The following DOK6 variants were observed in gnomAD, a reference collection of about 807,000 sequenced individuals.
DOK6 encodes docking protein 6, also known as downstream of tyrosine kinase 6.
DOK6 carries 22 observed loss-of-function variants against 44.0 expected under a neutral mutation model. That is an observed-to-expected ratio of 0.50 (90% CI 0.36 to 0.71). The LOEUF (loss-of-function observed/expected upper bound fraction) is 0.71. DOK6 is among the 30% of genes least tolerant of loss of function. The pLI, the probability that DOK6 is intolerant of heterozygous loss-of-function variation, is 0.00. For synonymous variants in DOK6, 166 were observed against 145.5 expected (o/e 1.14, Z -1.01); for missense variants, 340 against 416.4 (o/e 0.82, Z 1.60).
In DOK6 at chr18:69,584,001, A is replaced by G. The variant is rs554171273; in HGVS notation, c.175-15383A>G. On this transcript the variant is annotated intron_variant, in intron 2 of 7. Transcript: ENST00000382713. The stretch of plus-strand genomic sequence containing the variant: ...CGGGCGCCTGTAGTCCCAGCTACTC[A>G]GGAGGCTGAGGCAGGAGAATGGCGT... 2.5e-3 allele frequency among the ~76,000 whole-genome samples: 377 copies of G among 150,068 alleles called. 1 individual carries two copies. Among genetic ancestry groups the G allele is most frequent in the Middle Eastern group, 0.017 (5 of 290 alleles).
At chr18:69,766,520 A>G (rs748749362) in intron 7 of DOK6, among the ~76,000 whole-genome samples, 4 of 152,222 alleles carry the variant, frequency 2.6e-5, no homozygotes, top group Non-Finnish European at 5.9e-5. Flanking sequence ...CAATTAATGC[A>G]TATTTGGGTT....
chr18:69,632,668 A>G (rs1336396262), intron 3 of DOK6, among the ~76,000 whole-genome samples: 1 of 152,204 alleles, frequency 6.6e-6, no homozygotes, highest in African/African-American at 2.4e-5. Context: ...CTCCCGAGGT[A>G]TATTTCTATA....
rs2145146571 is a variant in DOK6, at chr18:69,847,104, CCTCT to C, written c.*5722_*5725del. 1 of 151,822 alleles carries C rather than the reference CCTCT, an allele frequency of 6.6e-6. No individual in the cohort carries two copies. Among genetic ancestry groups the C allele is most frequent in the East Asian group, 1.9e-4 (1 of 5,168 alleles). 9.4% of individuals were successfully genotyped at this position (151,822 alleles called of 1,614,324 possible). Reference sequence around the variant, plus strand: ...AAATACATTTGTAGTAGAAATATTCCCTCTAACAATTCTGTTTAACTAGTAAGTT... The same window carrying C: ...AAATACATTTGTAGTAGAAATATTCCAACAATTCTGTTTAACTAGTAAGTT... On this transcript the variant is annotated 3_prime_UTR_variant, in exon 8 of 8. Coordinates refer to ENST00000382713, the MANE Select transcript of DOK6 (RefSeq NM_152721.6).
chr18:69,815,787 A>C (rs1313381001), intron 7 of DOK6, among the ~76,000 whole-genome samples: 3 of 152,134 alleles, frequency 2.0e-5, no homozygotes, highest in Non-Finnish European at 2.9e-5. Flanking sequence ...ACATACATAC[A>C]TGCACATATA....
intron 3 of DOK6, among the ~76,000 whole-genome samples, chr18:69,639,842 T>G (rs1383004785): frequency 6.6e-6 from 1 of 152,166 alleles, no homozygotes; most frequent in Non-Finnish European, 1.5e-5. Flanking sequence ...ATCTCTACCC[T>G]ATTATTTTCC....
intron 1 of DOK6, among the ~76,000 whole-genome samples, chr18:69,541,053 A>G (rs1599181497): frequency 6.6e-6 from 1 of 152,314 alleles, no homozygotes. Context: ...ATTATAATAC[A>G]TAAAATGCAT....
chr18:69,725,067 C>T (rs905522873), intron 5 of DOK6: 1 of 152,188 alleles, frequency 6.6e-6, no homozygotes, highest in Non-Finnish European at 1.5e-5. Context: ...CTACCATGAG[C>T]CCCTGAATTC....
intron 4 of DOK6, among the ~76,000 whole-genome samples, chr18:69,686,198 C>T (rs4263036): frequency 0.12 from 18,567 of 152,088 alleles, 1,322 homozygotes; most frequent in South Asian, 0.23. Context: ...CCTGCTGGCA[C>T]GCTGATCTTG....
chr18:69,714,959 T>G (rs1986849433), intron 5 of DOK6, among the ~76,000 whole-genome samples: 1 of 152,204 alleles, frequency 6.6e-6, no homozygotes, highest in Non-Finnish European at 1.5e-5. Flanking sequence ...ACTTTGTATA[T>G]TTATTTAATG....
At chr18:69,531,061 A>G (rs1315097816) in intron 1 of DOK6, among the ~76,000 whole-genome samples, 1 of 151,700 alleles carries the variant, frequency 6.6e-6, no homozygotes, top group African/African-American at 2.4e-5. Context: ...CTGTTTTATC[A>G]GAGACTAGGA....
intron 1 of DOK6, among the ~76,000 whole-genome samples, chr18:69,429,559 T>G (rs1290363924): frequency 7.9e-6 from 1 of 126,666 alleles, no homozygotes; most frequent in East Asian, 2.6e-4. Flanking sequence ...CAAAGTTACA[T>G]TTAATACAAA....
chr18:69,648,868 G>T (rs539305625), intron 3 of DOK6, among the ~76,000 whole-genome samples: 1 of 152,202 alleles, frequency 6.6e-6, no homozygotes, highest in African/African-American at 2.4e-5. Context: ...TCAAATCCCT[G>T]GCCATTTTCA....
chr18:69,809,797 C>T (rs564263940), intron 7 of DOK6, among the ~76,000 whole-genome samples: 2 of 151,662 alleles, frequency 1.3e-5, no homozygotes, highest in African/African-American at 4.8e-5. Context: ...GACCTGTACA[C>T]AGAAAACCAC....
chr18:69,638,003 T>C (rs1984849045), intron 3 of DOK6, among the ~76,000 whole-genome samples: 2 of 152,202 alleles, frequency 1.3e-5, no homozygotes, highest in African/African-American at 4.8e-5. Context: ...CGTCGTACTC[T>C]AGGCCCACTG....
intron 1 of DOK6, among the ~76,000 whole-genome samples, chr18:69,407,065 G>A (rs1916219492): frequency 6.6e-6 from 1 of 152,122 alleles, no homozygotes; most frequent in African/African-American, 2.4e-5. Flanking sequence ...TGGGCAACAA[G>A]AGCGAAACTC....
At chr18:69,618,973 C>T (rs1424650604) in intron 3 of DOK6, among the ~76,000 whole-genome samples, 1 of 151,986 alleles carries the variant, frequency 6.6e-6, no homozygotes, top group Non-Finnish European at 1.5e-5. Flanking sequence ...TAAAAAAACA[C>T]ACCCACACAA....
At chr18:69,574,550 A>G (rs1186641966) in intron 2 of DOK6, among the ~76,000 whole-genome samples, 1 of 152,014 alleles carries the variant, frequency 6.6e-6, no homozygotes, top group Non-Finnish European at 1.5e-5. Context: ...AATGCACTAT[A>G]TGAAGAAAAA....
At chr18:69,805,249 GT>G (rs940553219) in intron 7 of DOK6, among the ~76,000 whole-genome samples, 1 of 152,106 alleles carries the variant, frequency 6.6e-6, no homozygotes, top group Non-Finnish European at 1.5e-5. Flanking sequence ...CATGAAGAAA[GT>G]TTTTTTATCT....
intron 1 of DOK6, among the ~76,000 whole-genome samples, chr18:69,546,295 T>C (rs1362860471): frequency 2.7e-5 from 4 of 149,512 alleles, no homozygotes; most frequent in African/African-American, 9.8e-5. Flanking sequence ...AAAAAAAGTG[T>C]AAACTAAAAT....
Sources: allele counts gnomAD v4.1 joint callset (sites outside exome capture counted in the v4.1 genomes callset), GRCh38; gene constraint gnomAD v4.1.1; transcripts MANE v1.5; gene names NCBI Gene and HGNC (gene_info 2026-07-23, HGNC 2026-07-21).